The following KLHL23 variants were observed in gnomAD, a reference collection of about 807,000 sequenced individuals.
The protein encoded by KLHL23 is kelch-like protein 23.
In KLHL23, 33 loss-of-function variants were observed where a neutral mutation model predicts 48.9. The observed-to-expected ratio is 0.67, with a 90% confidence interval of 0.51 to 0.90. KLHL23 has a LOEUF of 0.90. Ranked by LOEUF, KLHL23 falls within the 40% of genes least tolerant of loss-of-function variation. KLHL23 has a pLI of 0.00. For synonymous variants in KLHL23, 234 were observed against 231.6 expected (o/e 1.01, Z -0.09); for missense variants, 608 against 669.6 (o/e 0.91, Z 1.02).
Position 169,741,555 on chromosome 2 carries a change from T to C in KLHL23, c.1366+18T>C. On this transcript the variant is annotated intron_variant, in intron 3 of 3. Coordinates refer to ENST00000392647, the MANE Select transcript of KLHL23 (RefSeq NM_144711.6). ...ACATCCAGGTAACAAAAATACTGTC[T>C]CAAATAGTGTATGTTGTGATGTAGT... The C allele has an allele frequency of 6.2e-7, 1 of 1,606,432 alleles. No individual in the cohort carries two copies. The highest frequency in any genetic ancestry group is 8.5e-7 in the Non-Finnish European group (1 of 1,175,108).
Position 169,735,503 on chromosome 2 carries a change from TTC to T in KLHL23, c.490_491del (p.Ser164LysfsTer3). On this transcript the variant is annotated frameshift_variant, in exon 2 of 4. Transcript: ENST00000392647. LOFTEE classifies it high-confidence loss of function. This position sits in a 1 kb window ranked among gnomAD's most constrained non-coding sequence, Gnocchi z 4.5. ...LEKESRRILC[S>X]KFKEVWQQEE... ...AGAAGGAATCTCGAAGAATTCTATG[TTC>T]AAAGTTTAAGGAAGTGTGGCAACAA... 2 of 1,614,052 alleles carry T rather than the reference TTC, an allele frequency of 1.2e-6. No homozygotes were observed. The highest frequency in any genetic ancestry group is 1.7e-6 in the Non-Finnish European group (2 of 1,180,030).
At chr2:169,745,078 A>G (rs994635143) in intron 3 of KLHL23, among the ~76,000 whole-genome samples, 2 of 150,850 alleles carry the variant, frequency 1.3e-5, no homozygotes, top group African/African-American at 4.9e-5. Context: ...ACGCCTGGCT[A>G]ATTTTTGTAT....
chr2:169,735,839 G>C lies in KLHL23; in HGVS notation c.825G>C (p.Met275Ile), dbSNP rs1212232507. Residue 275 changes from methionine to isoleucine, a missense_variant, in exon 2 of 4, where the codon ATG (methionine) becomes ATC (isoleucine). By Grantham distance (10) the Met-to-Ile change is conservative. This residue lies in a region of KLHL23 where 419 missense variants were observed against 473.1 expected (regional missense o/e 0.89). Transcript: ENST00000392647. This position sits in a 1 kb window ranked among gnomAD's most constrained non-coding sequence, Gnocchi z 4.5. ...TTTCCCAGAGGTCCACAGCCACAATGTATATAATTGGAGGCTATTACTGGC... is the reference window on the plus strand; with the variant it reads ...TTTCCCAGAGGTCCACAGCCACAATCTATATAATTGGAGGCTATTACTGGC... ...KEISQRSTAT[M>I]YIIGGYYWHP... The C allele has an allele frequency of 6.2e-7, 1 of 1,613,978 alleles. No individual in the cohort carries two copies. The highest frequency in any genetic ancestry group is 1.3e-5 in the African/African-American group (1 of 74,910).
intron 2 of KLHL23, 114 bp downstream of exon 2, chr2:169,736,341 A>T (rs1688517869): frequency 7.3e-7 from 1 of 1,376,038 alleles, no homozygotes; most frequent in Non-Finnish European, 9.7e-7. Flanking sequence ...ATAGTTAATT[A>T]TACAAATAAT....
chr2:169,744,943 GTTTTTTT>G (rs34081026), intron 3 of KLHL23, among the ~76,000 whole-genome samples: 2 of 142,528 alleles, frequency 1.4e-5, no homozygotes, highest in African/African-American at 5.1e-5. Context: ...TTTGTTTTTT[GTTTTTTT>G]TTTTTTAAAG....
At chr2:169,738,986 TCCCCCTCCTCCCCTTCC>T (rs1688605350) in intron 2 of KLHL23, among the ~76,000 whole-genome samples, 1 of 4,556 alleles carries the variant, frequency 2.2e-4, no homozygotes, top group Non-Finnish European at 3.7e-4. Flanking sequence ...CCCCTCCCCC[TCCCCCTCCTCCCCTTCC>T]CCTCCCCCAT....
rs553957573 is a variant in KLHL23, at chr2:169,745,305, G to A, written c.1366+3768G>A. On this transcript the variant is annotated intron_variant, in intron 3 of 3. Coordinates refer to ENST00000392647, the MANE Select transcript of KLHL23 (RefSeq NM_144711.6). ...AGGTGGGCGGATCATGAGGTCAGGA[G>A]ATCGAGACCATCCTGGCTAACATGG... is the stretch of plus-strand genomic sequence containing the variant. Among the ~76,000 whole-genome samples the A allele has an allele frequency of 2.0e-5, 3 of 151,984 alleles. No individual in the cohort carries two copies. The South Asian group carries it at 6.2e-4, about 32-fold the overall frequency.
Position 169,735,924 on chromosome 2 carries a change from G to A in KLHL23, c.910G>A (p.Glu304Lys). 1.2e-6 allele frequency: 2 copies of A among 1,614,160 alleles called. No individual in the cohort carries two copies. The highest frequency in any genetic ancestry group is 1.7e-6 in the Non-Finnish European group (2 of 1,180,034). The change falls in exon 2 of 4, where the codon GAA (glutamate) becomes AAA (lysine). Residue 304 changes from glutamate to lysine, a missense_variant. Glu to Lys is a moderately conservative substitution (Grantham distance 56). Around this residue, in one of 3 missense-constraint regions of KLHL23, gnomAD observed 419 missense variants for 473.1 expected, o/e 0.89. Transcript: ENST00000392647. This position sits in a 1 kb window ranked among gnomAD's most constrained non-coding sequence, Gnocchi z 4.5. ...GACAAATGTTTGGATTCAGGGAGCA[G>A]AAATACCAGATTATACCAGGGAGAG... is the stretch of plus-strand genomic sequence containing the variant. ...PLTNVWIQGA[E>K]IPDYTRESYG...
chr2:169,737,275 G>C (rs906069743), intron 2 of KLHL23, among the ~76,000 whole-genome samples: 2 of 152,198 alleles, frequency 1.3e-5, no homozygotes, highest in East Asian at 1.9e-4. Flanking sequence ...TAAATGTTAC[G>C]CATGATTGTC....
At chr2:169,747,225 A>T (rs1037646981) in intron 3 of KLHL23, among the ~76,000 whole-genome samples, 1 of 151,788 alleles carries the variant, frequency 6.6e-6, no homozygotes, top group Non-Finnish European at 1.5e-5. Context: ...TTAGCCAGGC[A>T]TGGTGGTGCG....
intron 2 of KLHL23, among the ~76,000 whole-genome samples, chr2:169,740,769 TATATA>T (rs1558947747): frequency 4.6e-5 from 4 of 86,964 alleles, no homozygotes; most frequent in South Asian, 2.7e-4. Context: ...TTTTATATTA[TATATA>T]TATATATATA....
At chr2:169,741,217 G>C in intron 2 of KLHL23, 168 bp from the exon 3 acceptor site, 2 of 782,940 alleles carry the variant, frequency 2.6e-6, no homozygotes, top group Non-Finnish European at 1.9e-6. Context: ...CCTCTCTTAA[G>C]AGCACAAAGA....
chr2:169,734,330 C>T (rs1420777913), intron 1 of KLHL23, among the ~76,000 whole-genome samples: 2 of 147,866 alleles, frequency 1.4e-5, no homozygotes, highest in African/African-American at 4.9e-5. Flanking sequence ...GGGCACCGGG[C>T]CCGCGGGCGG....
chr2:169,748,784 C>G (rs963363981), intron 3 of KLHL23, among the ~76,000 whole-genome samples: 18 of 107,286 alleles, frequency 1.7e-4, no homozygotes, highest in South Asian at 7.4e-4. Context: ...CCCCCCCCCC[C>G]CCATATACAT....
chr2:169,749,572 T>C lies in KLHL23; in HGVS notation c.1517T>C (p.Met506Thr), dbSNP rs1688891628. The C allele has an allele frequency of 6.2e-7, 1 of 1,614,110 alleles. No individual in the cohort carries two copies. Among genetic ancestry groups the C allele is most frequent in the Non-Finnish European group, 8.5e-7 (1 of 1,180,026 alleles). ...AGGATGGAGTGCGGTGCCGTCATCA[T>C]GAATGGATGTATTTATGTCACTGGA... ...ERRMECGAVI[M>T]NGCIYVTGGY... The change falls in exon 4 of 4, where the codon ATG becomes ACG. Residue 506 changes from methionine (M) to threonine (T), a missense_variant. Around this residue, in one of 3 missense-constraint regions of KLHL23, gnomAD observed 179 missense variants for 169.9 expected, o/e 1.05. Coordinates refer to ENST00000392647, the MANE Select transcript of KLHL23 (RefSeq NM_144711.6).
At chr2:169,737,782 T>C (rs1369154197) in intron 2 of KLHL23, among the ~76,000 whole-genome samples, 1 of 152,028 alleles carries the variant, frequency 6.6e-6, no homozygotes. Context: ...ACCTAGGTAA[T>C]TTTTGTATTT....
chr2:169,748,500 G>T (rs1465389738), intron 3 of KLHL23, among the ~76,000 whole-genome samples: 6 of 152,164 alleles, frequency 3.9e-5, no homozygotes, highest in Admixed American at 6.5e-5. Flanking sequence ...ATAAAAGCGG[G>T]TGTGTGGAAG....
intron 3 of KLHL23, among the ~76,000 whole-genome samples, chr2:169,742,272 G>T (rs548742260): frequency 6.6e-6 from 1 of 152,170 alleles, no homozygotes; most frequent in Non-Finnish European, 1.5e-5. Flanking sequence ...GTCAGTGGAG[G>T]GGGTAGTGGA....
In KLHL23 at chr2:169,749,924, T is replaced by G. The variant is rs1161295372; in HGVS notation, c.*192T>G. The G allele has an allele frequency of 2.4e-5, 6 of 247,894 alleles. No homozygotes were observed. The highest frequency in any genetic ancestry group is 3.9e-5 in the African/African-American group (1 of 25,524). 15.4% of individuals were successfully genotyped at this position (247,894 alleles called of 1,614,324 possible). A position where few individuals can be genotyped will look rare whatever the true frequency, so the allele number is the denominator to read the frequency against. On this transcript the variant is annotated 3_prime_UTR_variant, in exon 4 of 4. Transcript: ENST00000392647. ...GGTCAAGAAAAATCTTATATATATATATATATACACACACACATATATGTG... is the reference window on the plus strand; with the variant it reads ...GGTCAAGAAAAATCTTATATATATAGATATATACACACACACATATATGTG...
Sources: gnomAD v4.1 joint callset for allele counts (sites outside exome capture counted in the v4.1 genomes callset) on GRCh38, gnomAD v4.1.1 for gene constraint, gnomAD v4.1.1 regional missense constraint, Gnocchi (gnomAD v3.1) non-coding constraint, MANE v1.5 for transcripts, NCBI Gene and HGNC (gene_info 2026-07-23, HGNC 2026-07-21) for gene names.